The following LIMA1 variants were observed in gnomAD, a reference collection of about 807,000 sequenced individuals.
LIMA1 encodes LIM domain and actin binding 1.
In LIMA1, 52 loss-of-function variants were observed where a neutral mutation model predicts 62.6. That is an observed-to-expected ratio of 0.83 (90% confidence interval 0.67 to 1.05). The LOEUF is 1.05. LIMA1 is among the 50% of genes least tolerant of loss of function. LIMA1 has a pLI of 0.00. For synonymous variants in LIMA1, 302 were observed against 317.8 expected (o/e 0.95, Z 0.53); for missense variants, 780 against 902.2 (o/e 0.86, Z 1.74).
At chr12:50,267,216 T>A (rs1167011241) in intron 1 of LIMA1, among the ~76,000 whole-genome samples, 1 of 151,768 alleles carries the variant, frequency 6.6e-6, no homozygotes, top group Non-Finnish European at 1.5e-5. Flanking sequence ...ACTACAGGCA[T>A]CCCCCACAAT....
At chr12:50,192,004 G>A (rs942760870) in intron 9 of LIMA1, among the ~76,000 whole-genome samples, 16 of 150,912 alleles carry the variant, frequency 1.1e-4, no homozygotes, top group East Asian at 3.9e-4. Context: ...GCATGGTGGC[G>A]CATGCCTGTA....
chr12:50,251,171 T>A (rs888344391), intron 1 of LIMA1, among the ~76,000 whole-genome samples: 1 of 152,154 alleles, frequency 6.6e-6, no homozygotes, highest in Non-Finnish European at 1.5e-5. Flanking sequence ...CTATCATAGT[T>A]TTTTTTAAAC....
At chr12:50,253,662 TAA>T (rs750143884) in intron 1 of LIMA1, among the ~76,000 whole-genome samples, 30 of 152,264 alleles carry the variant, frequency 2.0e-4, no homozygotes, top group Non-Finnish European at 3.4e-4. Flanking sequence ...CAGGGAAACT[TAA>T]AAGTTATCCT....
chr12:50,186,834 T>C (rs1940642430), intron 9 of LIMA1: 1 of 152,250 alleles, frequency 6.6e-6, no homozygotes, highest in Non-Finnish European at 1.5e-5. Context: ...TGCATAGACC[T>C]GCTCACTGCA....
Position 50,177,223 on chromosome 12 carries a change from C to T in LIMA1, c.2121G>A (p.Trp707Ter), listed in dbSNP as rs763753101. ...CAAAGGTGTTGTCTACAAAACTCGA[C>T]CAATTCAGAGACTTGGGTTCTTGTG... ...QSPQEPKSLN[W>*]SSFVDNTFAE... The change falls in exon 11 of 11, where the codon TGG (tryptophan) becomes TGA (stop). Residue 707 changes from tryptophan (W) to a stop codon, truncating the protein, a stop_gained. Coordinates refer to ENST00000341247, the MANE Select transcript of LIMA1 (RefSeq NM_016357.5). LOFTEE classifies it high-confidence loss of function. 1 of 1,614,134 alleles carries T rather than the reference C, an allele frequency of 6.2e-7. No individual in the cohort carries two copies. Among genetic ancestry groups the T allele is most frequent in the Non-Finnish European group, 8.5e-7 (1 of 1,180,012 alleles).
At chr12:50,187,683 C>CAGCT (rs2138407346) in intron 9 of LIMA1, 1 of 152,296 alleles carries the variant, frequency 6.6e-6, no homozygotes, top group South Asian at 2.1e-4. Flanking sequence ...GGGGGAGGAA[C>CAGCT]AGCTGGCAGG....
chr12:50,217,459 T>C (rs1262324549), intron 4 of LIMA1, among the ~76,000 whole-genome samples: 1 of 151,982 alleles, frequency 6.6e-6, no homozygotes, highest in Non-Finnish European at 1.5e-5. Context: ...CTTCAAAGTG[T>C]TCAGAACTTC....
At chr12:50,226,980 TG>T (rs1357790226) in intron 3 of LIMA1, among the ~76,000 whole-genome samples, 1 of 151,600 alleles carries the variant, frequency 6.6e-6, no homozygotes, top group Non-Finnish European at 1.5e-5. Flanking sequence ...TCAGGGTTTT[TG>T]TCTTAGGTCC....
At chr12:50,202,418 C>T (rs1941069633) in intron 6 of LIMA1, among the ~76,000 whole-genome samples, 1 of 152,118 alleles carries the variant, frequency 6.6e-6, no homozygotes, top group Admixed American at 6.5e-5. Flanking sequence ...ACAGGTTTCC[C>T]CACATAGGGA....
Position 50,177,972 on chromosome 12 carries a change from G to A in LIMA1, c.1372C>T (p.His458Tyr). 1.9e-6 allele frequency: 3 copies of A among 1,608,542 alleles called. No homozygotes were observed. The highest frequency in any genetic ancestry group is 1.1e-5 in the South Asian group (1 of 89,646). ...SKGNYDEGFG[H>Y]RPHKDLWASK... ...GCCCATAGATCCTTGTGTGGTCTGTGCCCAAAGCCTTCATCATAGTTGCCC... is the reference window on the plus strand; with the variant it reads ...GCCCATAGATCCTTGTGTGGTCTGTACCCAAAGCCTTCATCATAGTTGCCC... The change falls in exon 11 of 11, where the codon CAC becomes TAC. Residue 458 changes from histidine (H) to tyrosine (Y), a missense_variant. Coordinates refer to ENST00000341247, the MANE Select transcript of LIMA1 (RefSeq NM_016357.5).
intron 4 of LIMA1, among the ~76,000 whole-genome samples, chr12:50,221,309 T>C (rs574670034): frequency 7.7e-4 from 117 of 152,158 alleles, no homozygotes; most frequent in Non-Finnish European, 1.4e-3. Context: ...TTACCAGCTC[T>C]GTGGCCTCTG....
At chr12:50,267,436 C>T (rs1471563711) in intron 1 of LIMA1, among the ~76,000 whole-genome samples, 1 of 150,086 alleles carries the variant, frequency 6.7e-6, no homozygotes, top group African/African-American at 2.5e-5. Flanking sequence ...AGGCTGGTCT[C>T]GAACTTCTGA....
intron 1 of LIMA1, among the ~76,000 whole-genome samples, chr12:50,268,544 A>T (rs1942167158): frequency 6.6e-6 from 1 of 152,126 alleles, no homozygotes; most frequent in African/African-American, 2.4e-5. Flanking sequence ...TTTACATGTT[A>T]TCTCATTCCA....
chr12:50,239,261 T>C (rs188730813), intron 2 of LIMA1, among the ~76,000 whole-genome samples: 1 of 152,120 alleles, frequency 6.6e-6, no homozygotes, highest in Admixed American at 6.5e-5. Context: ...AGGAACACAA[T>C]TGAGAAAGGA....
intron 4 of LIMA1, among the ~76,000 whole-genome samples, chr12:50,218,542 G>A (rs1367223143): frequency 3.3e-5 from 5 of 152,182 alleles, no homozygotes; most frequent in African/African-American, 1.2e-4. Flanking sequence ...TTCCCATGGC[G>A]TGCTTCTTCC....
intron 7 of LIMA1, among the ~76,000 whole-genome samples, chr12:50,198,147 C>T (rs570508770): frequency 6.6e-6 from 1 of 152,274 alleles, no homozygotes; most frequent in Non-Finnish European, 1.5e-5. Context: ...CAGTTTGAGA[C>T]CATTTTTCTG....
intron 10 of LIMA1, 47 bp from the exon 11 acceptor site, chr12:50,178,116 C>T: frequency 2.9e-6 from 4 of 1,364,662 alleles, no homozygotes; most frequent in Non-Finnish European, 3.8e-6. Flanking sequence ...TCTTCACATT[C>T]TCACTTATAC....
chr12:50,247,713 T>G (rs910301150), intron 2 of LIMA1, among the ~76,000 whole-genome samples: 1 of 151,880 alleles, frequency 6.6e-6, no homozygotes, highest in Non-Finnish European at 1.5e-5. Context: ...AACCTCCGCC[T>G]CCTGGGTTCA....
intron 8 of LIMA1, among the ~76,000 whole-genome samples, chr12:50,193,891 C>A (rs1185806984): frequency 1.3e-5 from 2 of 149,470 alleles, no homozygotes; most frequent in African/African-American, 4.9e-5. Context: ...GTCTCCAACT[C>A]CTGAGCTCAA....
Sources: allele counts gnomAD v4.1 joint callset (sites outside exome capture counted in the v4.1 genomes callset), GRCh38; gene constraint gnomAD v4.1.1; transcripts MANE v1.5; gene names NCBI Gene and HGNC (gene_info 2026-07-23, HGNC 2026-07-21).